Variants in CENPL observed in about 807,000 individuals in gnomAD.
CENPL encodes the protein interphase centromere complex protein 33.
A neutral mutation model predicts 35.2 loss-of-function variants in CENPL; 20 were observed. The ratio of observed to expected loss-of-function variants is 0.57; its 90% CI spans 0.40 to 0.83. The LOEUF (loss-of-function observed/expected upper bound fraction) is 0.83, where lower values mean the gene tolerates loss of function less well. Among genes scored for constraint, CENPL ranks in the 40% least tolerant of loss-of-function variants. CENPL has a pLI of 0.00. For missense variants in CENPL, 363 were observed against 395.8 expected, an observed-to-expected ratio of 0.92 and a Z score of 0.70; for synonymous variants, 140 against 140.6, an observed-to-expected ratio of 1.00 and a Z score of 0.03.
intron 3 of CENPL, among the ~76,000 whole-genome samples, chr1:173,810,524 AAGTT>A (rs1266104532): frequency 6.6e-6 from 1 of 152,216 alleles, no homozygotes; most frequent in African/African-American, 2.4e-5. Flanking sequence ...CTTAAAATAA[AAGTT>A]AAAAAAAAAA....
rs532144348 is a variant in CENPL at position 173,816,877 on chromosome 1, C to T, written c.-7-5571G>A. ...AGACCAGGCCGGGCGCAGTGGCTCA[C>T]GCCTGTAATCTCAGCACTTTGGGAT... On this transcript the variant is annotated intron_variant, in intron 2 of 5. Transcript: ENST00000682279. 1.5e-4 allele frequency among the ~76,000 whole-genome samples: 23 copies of T among 152,282 alleles called. 1 individual carries two copies. Among genetic ancestry groups the T allele is most frequent in the African/African-American group, 5.1e-4 (21 of 41,562 alleles).
At chr1:173,816,182 G>A (rs1218568125) in intron 2 of CENPL, among the ~76,000 whole-genome samples, 1 of 152,154 alleles carries the variant, frequency 6.6e-6, no homozygotes, top group African/African-American at 2.4e-5. Context: ...CAAAATAAAA[G>A]AGGACACAAA....
At chr1:173,813,506 G>C (rs1284823638) in intron 2 of CENPL, among the ~76,000 whole-genome samples, 1 of 152,196 alleles carries the variant, frequency 6.6e-6, no homozygotes, top group Admixed American at 6.5e-5. Flanking sequence ...CCAGAAGACA[G>C]TGGGGGCCAA....
rs1267592318 is a variant in CENPL, at chr1:173,803,413, C to T, written c.513G>A (p.Leu171=). The change falls in exon 5 of 6, where the codon CTG becomes CTA. Residue 171 remains leucine (L), a synonymous_variant. Transcript: ENST00000682279. ...AGGTGAAATCTTCTGAAACAGTCTCCAGAAGACTGTCTCCAAATACACAGC... is the reference window on the plus strand; with the variant it reads ...AGGTGAAATCTTCTGAAACAGTCTCTAGAAGACTGTCTCCAAATACACAGC... ...WFCCVFGDSL[L]ETVSEDFTCL... 1.9e-6 allele frequency: 3 copies of T among 1,613,996 alleles called. No individual in the cohort carries two copies. In the African/African-American group the frequency reaches 4.0e-5, roughly 22 times the overall value.
chr1:173,807,627 T>C, intron 3 of CENPL, 109 bp from the exon 4 acceptor site: 3 of 869,548 alleles, frequency 3.5e-6, no homozygotes, highest in South Asian at 5.0e-5. Context: ...TACCTGATTT[T>C]TGCACTCCAA....
At chr1:173,821,916 C>T (rs1651991851) in intron 2 of CENPL, 1 of 151,956 alleles carries the variant, frequency 6.6e-6, no homozygotes, top group Non-Finnish European at 1.5e-5. Context: ...GGCGATCCTC[C>T]CACCTCAGCC....
chr1:173,799,580 T>C lies in CENPL; in HGVS notation c.*868A>G, dbSNP rs1005871438. 5 of 152,218 alleles carry C rather than the reference T, an allele frequency of 3.3e-5. No homozygotes were observed. The highest frequency in any genetic ancestry group is 1.9e-4 in the East Asian group (1 of 5,198). 9.4% of individuals were successfully genotyped at this position (152,218 alleles called of 1,614,324 possible). On this transcript the variant is annotated 3_prime_UTR_variant, in exon 6 of 6. Transcript: ENST00000682279. ...TTTAAAATAAACATTTAATTCAACA[T>C]TGCAACAGGAGTTGAACTGTATTTA...
At chr1:173,814,497 T>G (rs148884282) in intron 2 of CENPL, among the ~76,000 whole-genome samples, 1 of 152,152 alleles carries the variant, frequency 6.6e-6, no homozygotes, top group African/African-American at 2.4e-5. Context: ...CAGACCACAG[T>G]ACAATCAAAT....
chr1:173,816,220 G>A (rs1213970675), intron 2 of CENPL, among the ~76,000 whole-genome samples: 1 of 152,142 alleles, frequency 6.6e-6, no homozygotes, highest in African/African-American at 2.4e-5. Flanking sequence ...CATGCTCATG[G>A]ATAGGAAGAA....
At chr1:173,814,089 C>T (rs1402528928) in intron 2 of CENPL, among the ~76,000 whole-genome samples, 1 of 152,124 alleles carries the variant, frequency 6.6e-6, no homozygotes, top group African/African-American at 2.4e-5. Context: ...AAGGCCACTA[C>T]ATAACGGTAA....
chr1:173,803,138 G>A lies in CENPL; in HGVS notation c.788C>T (p.Ala263Val). Reference protein sequence around the residue: ...SFAIHPEDAKALWDSVHKTPG... With the variant: ...SFAIHPEDAKVLWDSVHKTPG... ...TGTTTTGTGGACACTGTCCCATAGA[G>A]CTTTTGCATCCTCTGGATGTATTGC... Residue 263 changes from alanine to valine, a missense_variant, in exon 5 of 6, where the codon GCT becomes GTT. By Grantham distance (64) the Ala-to-Val change is moderately conservative. Transcript: ENST00000682279. The A allele has an allele frequency of 1.2e-6, 2 of 1,614,048 alleles. No individual in the cohort carries two copies. The highest frequency in any genetic ancestry group is 1.7e-6 in the Non-Finnish European group (2 of 1,179,938).
intron 4 of CENPL, among the ~76,000 whole-genome samples, chr1:173,806,955 G>A (rs1650287722): frequency 6.6e-6 from 1 of 152,052 alleles, no homozygotes; most frequent in Admixed American, 6.6e-5. Flanking sequence ...AATTCCTAAT[G>A]ATATAAGTAA....
chr1:173,807,255 T>G lies in CENPL; in HGVS notation c.420+12A>C. 6.4e-7 allele frequency: 1 copy of G among 1,569,356 alleles called. No individual in the cohort carries two copies. Among genetic ancestry groups the G allele is most frequent in the Non-Finnish European group, 8.7e-7 (1 of 1,153,668 alleles). On this transcript the variant is annotated intron_variant, in intron 4 of 5. Coordinates refer to ENST00000682279, the MANE Select transcript of CENPL (RefSeq NM_001387287.1). ...TTTCCCCTAGGAAGCAAGAACTGTTTATGTATTATACCTGGACAAGAAATG... is the reference window on the plus strand; with the variant it reads ...TTTCCCCTAGGAAGCAAGAACTGTTGATGTATTATACCTGGACAAGAAATG...
intron 2 of CENPL, among the ~76,000 whole-genome samples, chr1:173,814,266 C>T (rs1361870479): frequency 6.6e-6 from 1 of 152,086 alleles, no homozygotes; most frequent in African/African-American, 2.4e-5. Context: ...CAATATTAGA[C>T]AGATCAACGA....
Position 173,803,401 on chromosome 1 carries a change from T to C in CENPL, c.525A>G (p.Ser175=). ...VFGDSLLETV[S]EDFTCLPLFL... is the part of the protein sequence containing the mutation. ...ATAAGGGCAGACAGGTGAAATCTTC[T>C]GAAACAGTCTCCAGAAGACTGTCTC... The change falls in exon 5 of 6, where the codon TCA becomes TCG. Residue 175 remains serine, a synonymous_variant. Transcript: ENST00000682279. 1.2e-6 allele frequency: 2 copies of C among 1,614,062 alleles called. No homozygotes were observed. Among genetic ancestry groups the C allele is most frequent in the African/African-American group, 1.3e-5 (1 of 75,044 alleles).
At chr1:173,819,151 A>G (rs1651695311) in intron 2 of CENPL, among the ~76,000 whole-genome samples, 1 of 151,666 alleles carries the variant, frequency 6.6e-6, no homozygotes, top group African/African-American at 2.4e-5. Flanking sequence ...GTAGGACTGC[A>G]TGAGCCCAGG....
At position 173,803,317 on chromosome 1, in the gene CENPL, G is replaced by T. The variant is rs754112101; in HGVS notation, c.609C>A (p.Thr203=). 6.2e-7 allele frequency: 1 copy of T among 1,613,766 alleles called. No individual in the cohort carries two copies. Among genetic ancestry groups the T allele is most frequent in the South Asian group, 1.1e-5 (1 of 91,084 alleles). ...CTAAAGGACTGAAATAACAGTCAAA[G>T]GTTTTCTGAAACCAAGTTCCAATTA... ...TAIIGTWFQK[T]FDCYFSPLAI... is the part of the protein sequence containing the mutation. Residue 203 remains threonine (T), a synonymous_variant, in exon 5 of 6, where the codon ACC becomes ACA. Coordinates refer to ENST00000682279, the MANE Select transcript of CENPL (RefSeq NM_001387287.1).
chr1:173,819,610 A>G (rs1651748030), intron 2 of CENPL, among the ~76,000 whole-genome samples: 1 of 152,218 alleles, frequency 6.6e-6, no homozygotes, highest in Admixed American at 6.5e-5. Flanking sequence ...AACAAAAGTT[A>G]TTAGTCTCAA....
At chr1:173,804,209 C>A (rs1480139416) in intron 4 of CENPL, among the ~76,000 whole-genome samples, 1 of 152,176 alleles carries the variant, frequency 6.6e-6, no homozygotes, top group Non-Finnish European at 1.5e-5. Context: ...TTAAAATGTT[C>A]TTTTATATGT....
Sources: gnomAD v4.1 joint callset for allele counts (sites outside exome capture counted in the v4.1 genomes callset) on GRCh38, gnomAD v4.1.1 for gene constraint, MANE v1.5 for transcripts, NCBI Gene and HGNC (gene_info 2026-07-23, HGNC 2026-07-21) for gene names.